The following SEC24D variants were observed in gnomAD, a reference collection of about 807,000 sequenced individuals.
The protein encoded by SEC24D is SEC24 homolog D, COPII component, also known as protein transport protein Sec24D.
In SEC24D, 69 loss-of-function variants were observed where a neutral mutation model predicts 116.9. The observed-to-expected ratio is 0.59, with a 90% CI of 0.49 to 0.72. SEC24D has a LOEUF of 0.72. Ranked by LOEUF, SEC24D falls within the 30% of genes least tolerant of loss-of-function variation. The pLI, the probability that SEC24D is intolerant of heterozygous loss-of-function variation, is 0.00. For missense variants in SEC24D, 1,131 were observed against 1,264.1 expected, an observed-to-expected ratio of 0.89 and a Z score of 1.60; for synonymous variants, 405 against 442.8, an observed-to-expected ratio of 0.91 and a Z score of 1.07.
At chr4:118,734,864 T>C (rs1161164330) in intron 19 of SEC24D, among the ~76,000 whole-genome samples, 2 of 152,236 alleles carry the variant, frequency 1.3e-5, no homozygotes, top group Non-Finnish European at 2.9e-5. Context: ...GGTACTGGAT[T>C]ACTTTCTCAG....
chr4:118,833,766 C>A, intron 1 of SEC24D, 29 bp from the exon 2 acceptor site: 2 of 1,055,138 alleles, frequency 1.9e-6, no homozygotes, highest in Non-Finnish European at 2.9e-6. Context: ...AAACATGTTA[C>A]CAAGACAGTT....
chr4:118,810,137 T>TGTGTGTGTGTGTGTGTGTGTGTGG lies in SEC24D; in HGVS notation c.802-4184_802-4183insCCACACACACACACACACACACAC, dbSNP rs56961502. On this transcript the variant is annotated intron_variant, in intron 6 of 22. Coordinates refer to ENST00000280551, the MANE Select transcript of SEC24D (RefSeq NM_014822.4). ...GTGTGTGTGTGTGTGTGTGTGTGTG[T>TGTGTGTGTGTGTGTGTGTGTGTGG]CAGAGGGTATAGGGGAGCCAGGGGT... 3.1e-4 allele frequency among the ~76,000 whole-genome samples: 32 copies of TGTGTGTGTGTGTGTGTGTGTGTGG among 104,396 alleles called. 2 individuals carry two copies. The highest frequency in any genetic ancestry group is 5.8e-4 in the East Asian group (2 of 3,476). 68.5% of individuals were successfully genotyped at this position (104,396 alleles called of 152,430 possible).
intron 19 of SEC24D, among the ~76,000 whole-genome samples, chr4:118,734,250 G>C (rs1375380279): frequency 1.3e-5 from 2 of 151,588 alleles, no homozygotes; most frequent in East Asian, 3.9e-4. Context: ...GTCTCACTCT[G>C]TTGCCCAGGC....
At chr4:118,734,206 TTCTC>T (rs1185899115) in intron 19 of SEC24D, among the ~76,000 whole-genome samples, 5 of 150,614 alleles carry the variant, frequency 3.3e-5, no homozygotes, top group African/African-American at 1.2e-4. Context: ...CTTTTTAGCT[TTCTC>T]TCTTTTTTAT....
At chr4:118,743,069 A>G (rs1726315554) in intron 15 of SEC24D, among the ~76,000 whole-genome samples, 1 of 152,170 alleles carries the variant, frequency 6.6e-6, no homozygotes, top group African/African-American at 2.4e-5. Flanking sequence ...ACTCAGGCCC[A>G]TTATAGTGCT....
chr4:118,761,755 T>C (rs1455530757), intron 10 of SEC24D, among the ~76,000 whole-genome samples: 1 of 152,216 alleles, frequency 6.6e-6, no homozygotes, highest in Non-Finnish European at 1.5e-5. Flanking sequence ...TCTGAGTAAA[T>C]TGTCAATAAG....
intron 8 of SEC24D, among the ~76,000 whole-genome samples, chr4:118,781,725 C>G (rs367609562): frequency 6.6e-6 from 1 of 152,172 alleles, no homozygotes; most frequent in African/African-American, 2.4e-5. Flanking sequence ...TCAGGTACAC[C>G]AATCAAACAC....
chr4:118,728,708 C>A lies in SEC24D; in HGVS notation c.2869-58G>T, dbSNP rs552268267. ...GTTTATAACATTTAGATAGAAGTAG[C>A]AATATGAGATTATCATAATGTTAAA... On this transcript the variant is annotated intron_variant, in intron 21 of 22. Coordinates refer to ENST00000280551, the MANE Select transcript of SEC24D (RefSeq NM_014822.4). The A allele has an allele frequency of 4.2e-5, 43 of 1,019,370 alleles. 1 individual carries two copies. The South Asian group carries it at 5.4e-4, about 13-fold the overall frequency. The allele number at this position is 1,019,370 out of a possible 1,614,324, so 63.1% of individuals were successfully genotyped here. A position where few individuals can be genotyped will look rare whatever the true frequency, so the allele number is the denominator to read the frequency against.
intron 19 of SEC24D, 170 bp from the exon 20 acceptor site, chr4:118,733,082 G>A: frequency 1.7e-6 from 1 of 578,846 alleles, no homozygotes; most frequent in Non-Finnish European, 3.0e-6. Context: ...CACAGAGTAG[G>A]CATTCAAAGA....
At chr4:118,771,135 T>C (rs1186989983) in intron 8 of SEC24D, among the ~76,000 whole-genome samples, 4 of 152,168 alleles carry the variant, frequency 2.6e-5, no homozygotes, top group Non-Finnish European at 1.5e-5. Flanking sequence ...ATAGCTAACC[T>C]TACTTTTCTT....
At chr4:118,728,103 CAT>C (rs1725499161) in intron 22 of SEC24D, among the ~76,000 whole-genome samples, 1 of 152,052 alleles carries the variant, frequency 6.6e-6, no homozygotes, top group African/African-American at 2.4e-5. Context: ...GGGTTCTAGA[CAT>C]ATTAAAATTT....
At chr4:118,787,955 G>A (rs777177828) in intron 8 of SEC24D, among the ~76,000 whole-genome samples, 2 of 152,128 alleles carry the variant, frequency 1.3e-5, no homozygotes, top group East Asian at 3.9e-4. Flanking sequence ...TGGAACTACA[G>A]GCATGCATCA....
At position 118,738,356 on chromosome 4, in the gene SEC24D, G is replaced by A. The variant is rs1726069527; in HGVS notation, c.2401C>T (p.Pro801Ser). 3 of 1,612,568 alleles carry A rather than the reference G, an allele frequency of 1.9e-6. No homozygotes were observed. The highest frequency in any genetic ancestry group is 1.7e-5 in the Admixed American group (1 of 59,986). ...KSAFKAVLHQPLKVIREILVN... is the reference protein window; with the variant it reads ...KSAFKAVLHQSLKVIREILVN... Reference sequence around the variant, plus strand: ...AGAATTTCCCGGATGACCTTCAAAGGCTGGTGGAGAACTGCTTTAAAAGCT... The same window carrying A: ...AGAATTTCCCGGATGACCTTCAAAGACTGGTGGAGAACTGCTTTAAAAGCT... The change falls in exon 19 of 23, where the codon CCT (proline) becomes TCT (serine). Residue 801 changes from proline to serine, a missense_variant. By Grantham distance (74) the Pro-to-Ser change is moderately conservative. Coordinates refer to ENST00000280551, the MANE Select transcript of SEC24D (RefSeq NM_014822.4).
At chr4:118,815,202 G>A (rs748003898) in intron 5 of SEC24D, 47 bp from the exon 6 acceptor site, 1 of 1,608,390 alleles carries the variant, frequency 6.2e-7, no homozygotes, top group South Asian at 1.1e-5. Flanking sequence ...CCCAAATCCA[G>A]CATGTAAGAC....
intron 8 of SEC24D, among the ~76,000 whole-genome samples, chr4:118,780,605 T>C (rs868562854): frequency 6.6e-6 from 1 of 152,200 alleles, no homozygotes; most frequent in East Asian, 1.9e-4. Flanking sequence ...GTTCTGTAGA[T>C]GTCTATCAGG....
At chr4:118,818,024 C>T (rs1307812655) in intron 3 of SEC24D, among the ~76,000 whole-genome samples, 2 of 151,738 alleles carry the variant, frequency 1.3e-5, no homozygotes, top group Admixed American at 6.6e-5. Flanking sequence ...GCAACAGAGC[C>T]AGACCCTGTC....
chr4:118,765,009 G>A (rs1040593402), intron 9 of SEC24D, 92 bp from the exon 10 acceptor site: 20 of 713,344 alleles, frequency 2.8e-5, no homozygotes, highest in South Asian at 2.7e-4. Context: ...GAGGAAAGGA[G>A]TTAGTATCTG....
Position 118,812,244 on chromosome 4 carries a change from C to T in SEC24D, c.801+2784G>A, listed in dbSNP as rs549530375. ...GTGGTGGCCCTCAGAAAGATATGTC[C>T]ATGTCCTAATCTCTGAAATCTGTGA... is the stretch of plus-strand genomic sequence containing the variant. On this transcript the variant is annotated intron_variant, in intron 6 of 22. Coordinates refer to ENST00000280551, the MANE Select transcript of SEC24D (RefSeq NM_014822.4). Among the ~76,000 whole-genome samples the T allele has an allele frequency of 3.6e-4, 55 of 152,236 alleles. No individual in the cohort carries two copies. In the South Asian group the frequency reaches 0.011, roughly 32 times the overall value.
In SEC24D at chr4:118,752,154, A is replaced by C. The variant is rs1726872151; in HGVS notation, c.1614-65T>G. 3.8e-6 allele frequency: 4 copies of C among 1,048,228 alleles called. No individual in the cohort carries two copies. In the South Asian group the frequency reaches 5.4e-5, roughly 14 times the overall value. 64.9% of individuals were successfully genotyped at this position (1,048,228 alleles called of 1,614,324 possible). On this transcript the variant is annotated intron_variant, in intron 12 of 22. Transcript: ENST00000280551. ...CATATTTTAATAAACTTCAAGCAAT[A>C]AATCACTAACATTTCAAGCCTAAAC...
Sources: allele counts gnomAD v4.1 joint callset (sites outside exome capture counted in the v4.1 genomes callset), GRCh38; gene constraint gnomAD v4.1.1; transcripts MANE v1.5; gene names NCBI Gene and HGNC (gene_info 2026-07-23, HGNC 2026-07-21).